CYP4F22: variants seen among roughly 807,000 people sequenced by gnomAD.
CYP4F22 encodes the protein ultra-long-chain fatty acid omega-hydroxylase.
Under a neutral mutation model 60.4 loss-of-function variants are expected in CYP4F22, and 37 were observed. The ratio of observed to expected loss-of-function variants is 0.61; its 90% CI spans 0.47 to 0.81. The LOEUF (loss-of-function observed/expected upper bound fraction) is 0.81, where lower values mean the gene tolerates loss of function less well. Ranked by LOEUF, CYP4F22 falls within the 30% of genes least tolerant of loss-of-function variation. The pLI, the probability that CYP4F22 is intolerant of heterozygous loss-of-function variation, is 0.00. For missense variants in CYP4F22, 655 were observed against 715.0 expected, an observed-to-expected ratio of 0.92 and a Z score of 0.96; for synonymous variants, 258 against 280.5, an observed-to-expected ratio of 0.92 and a Z score of 0.80.
chr19:15,550,038 C>T lies in CYP4F22; in HGVS notation c.1336-636C>T, dbSNP rs377547307. On this transcript the variant is annotated intron_variant, in intron 12 of 13. Transcript: ENST00000269703. ...CTACCTCCTGGGTTCAAGAGATTCT[C>T]CTGCCTCAGCTTTCTGAGTAGTTGG... is the stretch of plus-strand genomic sequence containing the variant. Among the ~76,000 whole-genome samples the T allele has an allele frequency of 7.2e-5, 11 of 152,252 alleles. No homozygotes were observed. In the South Asian group the frequency reaches 2.3e-3, roughly 32 times the overall value.
At chr19:15,546,032 T>C (rs1001124836) in intron 10 of CYP4F22, among the ~76,000 whole-genome samples, 21 of 152,182 alleles carry the variant, frequency 1.4e-4, no homozygotes, top group African/African-American at 4.3e-4. Flanking sequence ...TGGAGTGCAG[T>C]GGCATAATCA....
intron 3 of CYP4F22, among the ~76,000 whole-genome samples, chr19:15,527,141 C>A (rs1254658573): frequency 6.6e-6 from 1 of 152,122 alleles, no homozygotes; most frequent in Non-Finnish European, 1.5e-5. Context: ...TACTGCTGGT[C>A]CATGGTCCAG....
intron 2 of CYP4F22, among the ~76,000 whole-genome samples, chr19:15,524,009 G>A (rs1303200489): frequency 6.6e-6 from 1 of 150,754 alleles, no homozygotes; most frequent in Non-Finnish European, 1.5e-5. Flanking sequence ...GGAGCGAGTC[G>A]TGATCATGCC....
intron 1 of CYP4F22, chr19:15,516,835 C>CT (rs756727270): frequency 0.19 from 40,259 of 207,396 alleles, 3,469 homozygotes; most frequent in East Asian, 0.48. Flanking sequence ...AGATGTTATT[C>CT]TTTTTTTTTT....
intron 8 of CYP4F22, among the ~76,000 whole-genome samples, chr19:15,543,582 C>T (rs1008637169): frequency 2.0e-5 from 3 of 152,040 alleles, no homozygotes; most frequent in Non-Finnish European, 2.9e-5. Flanking sequence ...GGGAGCCAGG[C>T]GTGGTAGCTC....
rs1461409357 is a variant in CYP4F22, at chr19:15,515,025, C to T, written c.-109+6442C>T. On this transcript the variant is annotated intron_variant, in intron 1 of 13. Coordinates refer to ENST00000269703, the MANE Select transcript of CYP4F22 (RefSeq NM_173483.4). ...TTCTTTCACACGGGAAAAAAAAGAC[C>T]AAACAGGAAGGTGCCCAGGGCGTGG... Among the ~76,000 whole-genome samples, 6 of 152,244 alleles carry T rather than the reference C, an allele frequency of 3.9e-5. No homozygotes were observed. The East Asian group carries it at 9.7e-4, about 25-fold the overall frequency.
At chr19:15,522,315 T>C (rs1341223191) in intron 1 of CYP4F22, among the ~76,000 whole-genome samples, 2 of 152,160 alleles carry the variant, frequency 1.3e-5, no homozygotes, top group African/African-American at 4.8e-5. Context: ...TCCATCCCAA[T>C]TGGGATCTCC....
At chr19:15,540,849 C>A in intron 8 of CYP4F22, 132 bp downstream of exon 8, 2 of 1,168,236 alleles carry the variant, frequency 1.7e-6, no homozygotes, top group Non-Finnish European at 2.4e-6. Context: ...CTTTGGGAGG[C>A]CAAGGCGGGA....
At chr19:15,515,699 C>A (rs575235429) in intron 1 of CYP4F22, among the ~76,000 whole-genome samples, 4 of 151,886 alleles carry the variant, frequency 2.6e-5, no homozygotes, top group Non-Finnish European at 5.9e-5. Context: ...GTACTCCAGC[C>A]TGGGCAACAG....
chr19:15,550,637 C>A, intron 12 of CYP4F22, 37 bp from the exon 13 acceptor site: 2 of 1,600,482 alleles, frequency 1.2e-6, no homozygotes, highest in Non-Finnish European at 1.7e-6. Flanking sequence ...ATGTCTGGGG[C>A]AGCCCCCAGA....
chr19:15,514,887 G>A lies in CYP4F22; in HGVS notation c.-109+6304G>A, dbSNP rs568406818. Among the ~76,000 whole-genome samples the A allele has an allele frequency of 2.6e-5, 4 of 152,330 alleles. No homozygotes were observed. The East Asian group carries it at 7.7e-4, about 29-fold the overall frequency. ...AGGTCATGCTGAATAGGAAGCATTT[G>A]ACTTTCTCTGGTGCTTTTAGCTCTG... On this transcript the variant is annotated intron_variant, in intron 1 of 13. Transcript: ENST00000269703.
At chr19:15,550,640 C>T in intron 12 of CYP4F22, 34 bp from the exon 13 acceptor site, 2 of 1,604,544 alleles carry the variant, frequency 1.2e-6, no homozygotes, top group Admixed American at 1.7e-5. Context: ...TCTGGGGCAG[C>T]CCCCAGACTC....
chr19:15,543,548 C>T lies in CYP4F22; in HGVS notation c.940-423C>T, dbSNP rs192992630. Among the ~76,000 whole-genome samples, 6 of 152,164 alleles carry T rather than the reference C, an allele frequency of 3.9e-5. No individual in the cohort carries two copies. In the East Asian group the frequency reaches 7.7e-4, roughly 20 times the overall value. ...TCCATCTTCCTGGACTAGTTCCCCC[C>T]ACAGCTTGGCTTAAGAGAGAGAGGG... is the stretch of plus-strand genomic sequence containing the variant. On this transcript the variant is annotated intron_variant, in intron 8 of 13. Coordinates refer to ENST00000269703, the MANE Select transcript of CYP4F22 (RefSeq NM_173483.4).
rs746979996 is a variant in CYP4F22 at position 15,525,446 on chromosome 19, G to T, written c.110G>T (p.Arg37Leu). Residue 37 changes from arginine to leucine, a missense_variant, in exon 3 of 14, where the codon CGC (arginine) becomes CTC (leucine). This residue lies in a region of CYP4F22 where 430 missense variants were observed against 457.1 expected (regional missense o/e 0.94). Coordinates refer to ENST00000269703, the MANE Select transcript of CYP4F22 (RefSeq NM_173483.4). ...CTCTTCCTGCTCTTCTTCCTGTTCC[G>T]CCTGCTGCTGCGGTTCCTGAGGCTC... ...LLLFLLFFLF[R>L]LLLRFLRLCR... 3.1e-5 allele frequency: 50 copies of T among 1,613,982 alleles called. No homozygotes were observed. Among genetic ancestry groups the T allele is most frequent in the Non-Finnish European group, 3.0e-5 (35 of 1,180,042 alleles).
chr19:15,510,913 C>T (rs1288757967), intron 1 of CYP4F22, among the ~76,000 whole-genome samples: 4 of 146,090 alleles, frequency 2.7e-5, no homozygotes, highest in African/African-American at 1.0e-4. Context: ...GAGCCCAGGA[C>T]TTTGAGACCA....
At chr19:15,525,609 G>A in intron 3 of CYP4F22, 51 bp downstream of exon 3, 2 of 1,554,352 alleles carry the variant, frequency 1.3e-6, no homozygotes, top group Admixed American at 1.8e-5. Flanking sequence ...CATGTGCAGG[G>A]TAATAGGTAG....
chr19:15,515,872 C>T lies in CYP4F22; in HGVS notation c.-109+7289C>T, dbSNP rs576992967. ...CTGAGTAGCTGGGACTACAGGCGCC[C>T]GCCACCACGTCCGGCTAATTTTTTG... On this transcript the variant is annotated intron_variant, in intron 1 of 13. Coordinates refer to ENST00000269703, the MANE Select transcript of CYP4F22 (RefSeq NM_173483.4). 1.1e-4 allele frequency among the ~76,000 whole-genome samples: 16 copies of T among 151,934 alleles called. No individual in the cohort carries two copies. The East Asian group carries it at 2.8e-3, about 26-fold the overall frequency.
intron 4 of CYP4F22, among the ~76,000 whole-genome samples, chr19:15,530,664 C>G (rs1001448964): frequency 2.0e-5 from 3 of 152,076 alleles, no homozygotes; most frequent in African/African-American, 7.2e-5. Flanking sequence ...GAAGGGGAAG[C>G]AAACACGTCC....
At chr19:15,509,498 A>C (rs985308438) in intron 1 of CYP4F22, among the ~76,000 whole-genome samples, 31 of 152,190 alleles carry the variant, frequency 2.0e-4, no homozygotes, top group African/African-American at 6.0e-4. Context: ...GTGCCCAGCC[A>C]GGGCTGGCAG....
Sources: gnomAD v4.1 joint callset for allele counts (sites outside exome capture counted in the v4.1 genomes callset) on GRCh38, gnomAD v4.1.1 for gene constraint, gnomAD v4.1.1 regional missense constraint, MANE v1.5 for transcripts, NCBI Gene and HGNC (gene_info 2026-07-23, HGNC 2026-07-21) for gene names.